Variants in ERCC2 observed in about 807,000 individuals in gnomAD.
ERCC2 encodes the protein ERCC excision repair 2, TFIIH core complex helicase subunit.
ERCC2 carries 90 observed loss-of-function variants against 99.4 expected under a neutral mutation model. That is an observed-to-expected ratio of 0.91 (90% CI 0.76 to 1.08). ERCC2 has a LOEUF of 1.08. Among genes scored for constraint, ERCC2 ranks in the 50% least tolerant of loss-of-function variants. ERCC2 has a pLI of 0.00. For missense variants in ERCC2, 993 were observed against 1,038.1 expected, an observed-to-expected ratio of 0.96 and a Z score of 0.60; for synonymous variants, 497 against 432.4, an observed-to-expected ratio of 1.15 and a Z score of -1.85.
Position 45,350,420 on chromosome 19 carries a change from C to T in ERCC2, c.*1209G>A, listed in dbSNP as rs1268397532. On this transcript the variant is annotated 3_prime_UTR_variant, in exon 23 of 23. Transcript: ENST00000391945. ...GAAATCCTCCACAAGGAGGACCTAC[C>T]CGCCCCTCTCGGTGAGCCCCTAGCC... 2 of 1,613,880 alleles carry T rather than the reference C, an allele frequency of 1.2e-6. No individual in the cohort carries two copies. The highest frequency in any genetic ancestry group is 2.2e-5 in the East Asian group (1 of 44,876).
Position 45,365,152 on chromosome 19 carries a change from G to C in ERCC2, c.367C>G (p.Pro123Ala). Reference protein sequence around the residue: ...KNLCIHPEVTPLRFGKDVDGK... With the variant: ...KNLCIHPEVTALRFGKDVDGK... ...TCGACGTCCTTCCCAAAGCGCAGGG[G>C]TGTCACCTGGGGGTGTGGGGCATCT... The change falls in exon 6 of 23, where the codon CCC becomes GCC. Residue 123 changes from proline (P) to alanine (A), a missense_variant. Physicochemically the swap from Pro to Ala is conservative, Grantham distance 27. Around this residue, in one of 3 missense-constraint regions of ERCC2, gnomAD observed 909 missense variants for 930.8 expected, o/e 0.98. Transcript: ENST00000391945. 6.2e-7 allele frequency: 1 copy of C among 1,613,840 alleles called. No individual in the cohort carries two copies. Among genetic ancestry groups the C allele is most frequent in the African/African-American group, 1.3e-5 (1 of 75,046 alleles).
intron 19 of ERCC2, 56 bp from the exon 20 acceptor site, chr19:45,352,872 G>T: frequency 6.5e-7 from 1 of 1,539,970 alleles, no homozygotes; most frequent in Non-Finnish European, 9.0e-7. Context: ...GGTGGGACAG[G>T]GACAGCCTCA....
At chr19:45,355,589 C>T (rs1465724219) in intron 16 of ERCC2, 76 bp downstream of exon 16, 20 of 1,264,042 alleles carry the variant, frequency 1.6e-5, no homozygotes, top group South Asian at 1.5e-4. Flanking sequence ...TTTGTTACAG[C>T]AGCATGACTC....
In ERCC2 at chr19:45,351,098, CAGTGGTGGAGTCAGCA is replaced by C. The variant is rs1971742897; in HGVS notation, c.*515_*530del. The C allele has an allele frequency of 1.2e-6, 2 of 1,610,554 alleles. No individual in the cohort carries two copies. Among genetic ancestry groups the C allele is most frequent in the African/African-American group, 2.7e-5 (2 of 74,950 alleles). On this transcript the variant is annotated 3_prime_UTR_variant, in exon 23 of 23. Coordinates refer to ENST00000391945, the MANE Select transcript of ERCC2 (RefSeq NM_000400.4). The stretch of plus-strand genomic sequence containing the variant: ...TGAGGCAAAGGCAGGGCGGTCGGGC[CAGTGGTGGAGTCAGCA>C]GGTGGTGGGTTGGTGTCAGAAGAGA...
chr19:45,368,596 G>C (rs750368009), intron 5 of ERCC2, 34 bp downstream of exon 5: 11 of 1,421,182 alleles, frequency 7.7e-6, no homozygotes, highest in Non-Finnish European at 1.1e-5. Context: ...CTCTACCTCT[G>C]GGCTAAGGGC....
At chr19:45,359,524 G>A (rs574413486) in intron 12 of ERCC2, among the ~76,000 whole-genome samples, 10 of 152,266 alleles carry the variant, frequency 6.6e-5, no homozygotes, top group South Asian at 4.1e-4. Context: ...AGGGAACACC[G>A]GCCCATAAAG....
At position 45,350,415 on chromosome 19, in the gene ERCC2, C is replaced by G. The variant is rs765850357; in HGVS notation, c.*1214G>C. On this transcript the variant is annotated 3_prime_UTR_variant, in exon 23 of 23. Coordinates refer to ENST00000391945, the MANE Select transcript of ERCC2 (RefSeq NM_000400.4). ...ACAAAGAAATCCTCCACAAGGAGGA[C>G]CTACCCGCCCCTCTCGGTGAGCCCC... is the stretch of plus-strand genomic sequence containing the variant. 6.2e-7 allele frequency: 1 copy of G among 1,613,682 alleles called. No homozygotes were observed. Among genetic ancestry groups the G allele is most frequent in the Admixed American group, 1.7e-5 (1 of 59,996 alleles).
intron 11 of ERCC2, among the ~76,000 whole-genome samples, 197 bp downstream of exon 11, chr19:45,363,546 C>A (rs1599742207): frequency 6.6e-6 from 1 of 152,344 alleles, no homozygotes; most frequent in East Asian, 1.9e-4. Flanking sequence ...GGCCCCTGCC[C>A]GACGCACGGA....
intron 5 of ERCC2, among the ~76,000 whole-genome samples, chr19:45,368,003 T>C (rs1238308183): frequency 6.6e-6 from 1 of 151,716 alleles, no homozygotes; most frequent in East Asian, 1.9e-4. Context: ...GTACAAGCGA[T>C]TGGCATTACC....
At chr19:45,352,983 T>TGG (rs1007530704) in intron 19 of ERCC2, 100 bp downstream of exon 19, 1 of 1,354,084 alleles carries the variant, frequency 7.4e-7, no homozygotes, top group Non-Finnish European at 1.1e-6. Flanking sequence ...GCACCTAGGC[T>TGG]GGGGGTGGGT....
Position 45,354,800 on chromosome 19 carries a change from G to C in ERCC2, c.1595C>G (p.Pro532Arg), listed in dbSNP as rs764973641. 6.2e-7 allele frequency: 1 copy of C among 1,614,138 alleles called. No homozygotes were observed. The highest frequency in any genetic ancestry group is 2.2e-5 in the East Asian group (1 of 44,884). ...GGTGAAGAAGGCCACGATGCCATCA[G>C]GGACCACAGCGGACATCTCCAGCAG... ...NLLLEMSAVV[P>R]DGIVAFFTSY... The change falls in exon 17 of 23, where the codon CCT becomes CGT. Residue 532 changes from proline to arginine, a missense_variant. Pro to Arg is a moderately radical substitution (Grantham distance 103). Around this residue, in one of 3 missense-constraint regions of ERCC2, gnomAD observed 909 missense variants for 930.8 expected, o/e 0.98. Coordinates refer to ENST00000391945, the MANE Select transcript of ERCC2 (RefSeq NM_000400.4).
intron 15 of ERCC2, among the ~76,000 whole-genome samples, chr19:45,356,671 A>G (rs575054541): frequency 5.9e-4 from 90 of 152,304 alleles, no homozygotes; most frequent in Non-Finnish European, 6.8e-4. Context: ...TTAGCTGGGC[A>G]TCGTGGCACA....
Position 45,363,742 on chromosome 19 carries a change from C to T in ERCC2, c.1118+1G>A, listed in dbSNP as rs1195917328. The T allele has an allele frequency of 2.0e-6, 3 of 1,532,216 alleles. No individual in the cohort carries two copies. The highest frequency in any genetic ancestry group is 2.6e-6 in the Non-Finnish European group (3 of 1,145,400). The allele number at this position is 1,532,216 out of a possible 1,614,324, so 94.9% of individuals were successfully genotyped here. ...ACCCCGCGCGCTGTCTGGGGCCGCA[C>T]CTGAGGGGCTTGCGCTGGATGCACA... is the stretch of plus-strand genomic sequence containing the variant. On this transcript the variant is annotated splice_donor_variant, in intron 11 of 22. Transcript: ENST00000391945. LOFTEE classifies it high-confidence loss of function.
chr19:45,356,972 C>T (rs1008748626), intron 15 of ERCC2, among the ~76,000 whole-genome samples: 9 of 152,198 alleles, frequency 5.9e-5, no homozygotes, highest in Non-Finnish European at 1.2e-4. Context: ...GCTGACTAAG[C>T]GCCTACCTGT....
In ERCC2 at chr19:45,350,282, C is replaced by CT; in HGVS notation, c.*1346dup. The CT allele has an allele frequency of 8.0e-7, 1 of 1,244,762 alleles. No individual in the cohort carries two copies. The highest frequency in any genetic ancestry group is 1.1e-6 in the Non-Finnish European group (1 of 873,530). The allele number at this position is 1,244,762 out of a possible 1,614,324, so 77.1% of individuals were successfully genotyped here. A position where few individuals can be genotyped will look rare whatever the true frequency, so the allele number is the denominator to read the frequency against. ...TACAAAAAAAAAAAAAAAGGCGGGA[C>CT]TGGATGCAGTGTTGGGAACTGGGGT... On this transcript the variant is annotated 3_prime_UTR_variant, in exon 23 of 23. Coordinates refer to ENST00000391945, the MANE Select transcript of ERCC2 (RefSeq NM_000400.4).
In ERCC2 at chr19:45,368,717, G is replaced by A. The variant is rs752328209; in HGVS notation, c.273C>T (p.Leu91=). Residue 91 remains leucine, a synonymous_variant, in exon 5 of 23, where the codon CTC becomes CTT. Transcript: ENST00000391945. ...EKVIEELRKL[L]NFYEKQEGEK... ...CGCCCTCCTGCTTCTCATAGAAGTT[G>A]AGCAACTTTCGAAGCTCTTCAATCA... The A allele has an allele frequency of 6.2e-7, 1 of 1,613,828 alleles. No individual in the cohort carries two copies. Among genetic ancestry groups the A allele is most frequent in the Non-Finnish European group, 8.5e-7 (1 of 1,179,838 alleles).
rs896232438 is a variant in ERCC2 at position 45,359,272 on chromosome 19, A to C, written c.1238-1573T>G. 3.9e-5 allele frequency among the ~76,000 whole-genome samples: 6 copies of C among 152,220 alleles called. No individual in the cohort carries two copies. The East Asian group carries it at 9.6e-4, about 24-fold the overall frequency. On this transcript the variant is annotated intron_variant, in intron 12 of 22. Transcript: ENST00000391945. ...AGGTGAAAGACCATGAGGTGTTGGCAGATGGGAAATAGTGGGTAGAGAATG... is the reference window on the plus strand; with the variant it reads ...AGGTGAAAGACCATGAGGTGTTGGCCGATGGGAAATAGTGGGTAGAGAATG...
rs147224585 is a variant in ERCC2, at chr19:45,353,139, C to A, written c.1775G>T (p.Arg592Leu). The stretch of plus-strand genomic sequence containing the variant: ...GGCCACTGACAGCAGGATGGCCCCG[C>A]GGCCATTCTCGCAGGCCTGAGGTGG... ...EKYQEACENG[R>L]GAILLSVARG... is the part of the protein sequence containing the mutation. The change falls in exon 19 of 23, where the codon CGC becomes CTC. Residue 592 changes from arginine to leucine, a missense_variant. Arg to Leu is a moderately radical substitution (Grantham distance 102). Around this residue, in one of 3 missense-constraint regions of ERCC2, gnomAD observed 909 missense variants for 930.8 expected, o/e 0.98. Transcript: ENST00000391945. 1 of 1,613,636 alleles carries A rather than the reference C, an allele frequency of 6.2e-7. No homozygotes were observed. The highest frequency in any genetic ancestry group is 1.7e-5 in the Admixed American group (1 of 60,002).
chr19:45,366,361 C>T (rs1438094563), intron 5 of ERCC2, among the ~76,000 whole-genome samples: 3 of 152,052 alleles, frequency 2.0e-5, no homozygotes, highest in African/African-American at 7.2e-5. Flanking sequence ...AAGCTGGTCT[C>T]GAACTCCTGA....
Sources: allele counts gnomAD v4.1 joint callset (sites outside exome capture counted in the v4.1 genomes callset), GRCh38; gene constraint gnomAD v4.1.1; regional missense constraint gnomAD v4.1.1; transcripts MANE v1.5; gene names NCBI Gene and HGNC (gene_info 2026-07-23, HGNC 2026-07-21).